Variants in GTF2F2 observed in about 807,000 individuals in gnomAD.
GTF2F2 encodes the protein general transcription factor IIF subunit 2, also known as ATP-dependent helicase GTF2F2.
GTF2F2 carries 23 observed loss-of-function variants against 42.2 expected under a neutral mutation model. The ratio of observed to expected loss-of-function variants is 0.55; its 90% CI spans 0.39 to 0.77. The LOEUF (loss-of-function observed/expected upper bound fraction) is 0.77, where lower values mean the gene tolerates loss of function less well. Among genes scored for constraint, GTF2F2 ranks in the 30% least tolerant of loss-of-function variants. The probability of loss-of-function intolerance (pLI) is 0.00; values close to 1 mark genes in which losing one functional copy is unlikely to be tolerated. For synonymous variants in GTF2F2, 105 were observed against 100.8 expected (o/e 1.04, Z -0.25); for missense variants, 261 against 287.2 (o/e 0.91, Z 0.66).
chr13:45,230,610 T>A lies in GTF2F2; in HGVS notation c.387-22261T>A, dbSNP rs535940565. Among the ~76,000 whole-genome samples, 5 of 152,336 alleles carry A rather than the reference T, an allele frequency of 3.3e-5. No individual in the cohort carries two copies. The East Asian group carries it at 9.6e-4, about 29-fold the overall frequency. ...CTTTTTTTAAAATAGTCTGGTAGTT[T>A]TATGAAAAGTCTAACTAAAACTAGT... On this transcript the variant is annotated intron_variant, in intron 5 of 7. Coordinates refer to ENST00000340473, the MANE Select transcript of GTF2F2 (RefSeq NM_004128.3).
intron 4 of GTF2F2, among the ~76,000 whole-genome samples, chr13:45,204,134 T>C (rs182354319): frequency 3.9e-5 from 6 of 152,330 alleles, no homozygotes; most frequent in African/African-American, 1.4e-4. Flanking sequence ...AACATTTAAA[T>C]TTAGGTTTTT....
rs868745717 is a variant in GTF2F2 at position 45,217,415 on chromosome 13, T to C, written c.386+9910T>C. Among the ~76,000 whole-genome samples, 3 of 152,122 alleles carry C rather than the reference T, an allele frequency of 2.0e-5. No individual in the cohort carries two copies. In the South Asian group the frequency reaches 6.2e-4, roughly 31 times the overall value. The stretch of plus-strand genomic sequence containing the variant: ...AGCTACACTTTTTAAAATAAACCAT[T>C]ACTCACATTTTGCTTTTTATTTTAC... On this transcript the variant is annotated intron_variant, in intron 5 of 7. Transcript: ENST00000340473.
intron 6 of GTF2F2, among the ~76,000 whole-genome samples, chr13:45,260,627 T>C (rs1435553018): frequency 6.6e-6 from 1 of 152,226 alleles, no homozygotes; most frequent in Non-Finnish European, 1.5e-5. Flanking sequence ...TGGTAGTGGG[T>C]GGCATTTATA....
At chr13:45,145,521 C>T (rs1870148782) in intron 2 of GTF2F2, among the ~76,000 whole-genome samples, 1 of 152,180 alleles carries the variant, frequency 6.6e-6, no homozygotes, top group Admixed American at 6.5e-5. Flanking sequence ...ACACACATAC[C>T]TCCCCCACAC....
At chr13:45,173,906 C>T (rs1217558160) in intron 4 of GTF2F2, among the ~76,000 whole-genome samples, 4 of 152,110 alleles carry the variant, frequency 2.6e-5, no homozygotes, top group Admixed American at 1.3e-4. Flanking sequence ...CGTGAGTCAC[C>T]GCGCCCGGCC....
intron 4 of GTF2F2, among the ~76,000 whole-genome samples, chr13:45,165,331 A>ATATATT (rs761914958): frequency 6.6e-5 from 9 of 136,914 alleles, no homozygotes; most frequent in African/African-American, 2.0e-4. Context: ...ATATATATAT[A>ATATATT]TTTTTTTTTT....
At chr13:45,251,241 A>G (rs1384164280) in intron 5 of GTF2F2, among the ~76,000 whole-genome samples, 1 of 152,208 alleles carries the variant, frequency 6.6e-6, no homozygotes, top group East Asian at 1.9e-4. Flanking sequence ...CCAAGGAATT[A>G]AATAATAGGA....
chr13:45,124,124 G>A, intron 1 of GTF2F2: 1 of 700,886 alleles, frequency 1.4e-6, no homozygotes, highest in Non-Finnish European at 2.6e-6. Context: ...GGCAATGCCA[G>A]CCCCAGCATC....
chr13:45,193,881 CATGATAGCCTCA>C, intron 4 of GTF2F2: 1 of 1,614,114 alleles, frequency 6.2e-7, no homozygotes, highest in Non-Finnish European at 8.5e-7. Context: ...TTAAAGCCAT[CATGATAGCCTCA>C]AACTTAAGAG....
intron 7 of GTF2F2, among the ~76,000 whole-genome samples, chr13:45,277,553 A>G (rs1877090747): frequency 1.3e-5 from 2 of 152,220 alleles, no homozygotes; most frequent in Non-Finnish European, 2.9e-5. Flanking sequence ...ACATTTCAAT[A>G]TGATATTTTC....
chr13:45,120,864 CATT>C (rs1362701952), intron 1 of GTF2F2, 143 bp downstream of exon 1: 5 of 645,098 alleles, frequency 7.8e-6, no homozygotes, highest in African/African-American at 3.7e-5. Flanking sequence ...AGGCAGGAGT[CATT>C]GTTGTATCTG....
At chr13:45,244,714 AG>A (rs1160035112) in intron 5 of GTF2F2, among the ~76,000 whole-genome samples, 1 of 152,226 alleles carries the variant, frequency 6.6e-6, no homozygotes, top group Non-Finnish European at 1.5e-5. Context: ...TCTGTTGCCC[AG>A]GCTGGCGTGC....
intron 2 of GTF2F2, among the ~76,000 whole-genome samples, chr13:45,140,073 C>G (rs1366332749): frequency 1.3e-5 from 2 of 151,452 alleles, no homozygotes; most frequent in African/African-American, 4.9e-5. Context: ...GGGTCTCACT[C>G]TGTTCCCAGG....
rs1157972776 is a variant in GTF2F2 at position 45,278,816 on chromosome 13, C to CTTTTTTTTTTTTTTTTTTTT, written c.631-4620_631-4601dup. ...CCTGCCAATTTGCCTTTTTCTTTTT[C>CTTTTTTTTTTTTTTTTTTTT]TTTTTTTTTTTTTTTTTTTTTTTTT... is the stretch of plus-strand genomic sequence containing the variant. On this transcript the variant is annotated intron_variant, in intron 7 of 7. Transcript: ENST00000340473. Among the ~76,000 whole-genome samples, 19 of 62,300 alleles carry CTTTTTTTTTTTTTTTTTTTT rather than the reference C, an allele frequency of 3.0e-4. 3 individuals carry two copies. Among genetic ancestry groups the CTTTTTTTTTTTTTTTTTTTT allele is most frequent in the African/African-American group, 1.3e-3 (19 of 14,358 alleles). The allele number at this position is 62,300 out of a possible 152,430, so 40.9% of individuals were successfully genotyped here.
intron 4 of GTF2F2, among the ~76,000 whole-genome samples, chr13:45,195,916 A>T (rs897294704): frequency 4.6e-5 from 7 of 152,198 alleles, no homozygotes; most frequent in African/African-American, 1.7e-4. Flanking sequence ...TCAGCCTCCC[A>T]GAGTGCTGGG....
intron 5 of GTF2F2, among the ~76,000 whole-genome samples, chr13:45,234,194 T>C (rs755282285): frequency 1.3e-5 from 2 of 152,230 alleles, no homozygotes; most frequent in Non-Finnish European, 2.9e-5. Flanking sequence ...GAAAACATTT[T>C]TATACATTTG....
At position 45,147,898 on chromosome 13, in the gene GTF2F2, A is replaced by G. The variant is rs141333933; in HGVS notation, c.141-1872A>G. Among the ~76,000 whole-genome samples the G allele has an allele frequency of 6.4e-3, 976 of 152,262 alleles. 10 individuals are homozygous for G. Among genetic ancestry groups the G allele is most frequent in the African/African-American group, 0.023 (937 of 41,550 alleles). On this transcript the variant is annotated intron_variant, in intron 2 of 7. Transcript: ENST00000340473. ...TTCTTTTCCTGGCTTTCCAGTTTGC[A>G]TTTCCATGACAGGTACATTTATGGT...
chr13:45,191,224 A>AAAATATATATATATAT, intron 4 of GTF2F2, among the ~76,000 whole-genome samples: 32 of 75,302 alleles, frequency 4.2e-4, no homozygotes, highest in African/African-American at 2.8e-3. Flanking sequence ...ACAAAAAAAA[A>AAAATATATATATATAT]ATATATATAT....
chr13:45,146,362 G>C (rs1429780992), intron 2 of GTF2F2, among the ~76,000 whole-genome samples: 1 of 152,088 alleles, frequency 6.6e-6, no homozygotes, highest in African/African-American at 2.4e-5. Flanking sequence ...AGCTAGATAA[G>C]GTAATGAGCG....
Sources: gnomAD v4.1 joint callset for allele counts (sites outside exome capture counted in the v4.1 genomes callset) on GRCh38, gnomAD v4.1.1 for gene constraint, MANE v1.5 for transcripts, NCBI Gene and HGNC (gene_info 2026-07-23, HGNC 2026-07-21) for gene names.